PLD5: variants seen among roughly 807,000 people sequenced by gnomAD.
The protein encoded by PLD5 is phospholipase D family member 5.
A neutral mutation model predicts 61.1 loss-of-function variants in PLD5; 36 were observed. The observed-to-expected ratio is 0.59, with a 90% CI of 0.45 to 0.78. The LOEUF is 0.78. Ranked by LOEUF, PLD5 falls within the 30% of genes least tolerant of loss-of-function variation. PLD5 has a pLI of 0.00. For missense variants in PLD5, 515 were observed against 644.4 expected, an observed-to-expected ratio of 0.80 and a Z score of 2.17; for synonymous variants, 243 against 242.8, an observed-to-expected ratio of 1.00 and a Z score of -0.01.
chr1:242,455,908 T>C (rs1666929717), intron 1 of PLD5, among the ~76,000 whole-genome samples: 1 of 152,206 alleles, frequency 6.6e-6, no homozygotes, highest in South Asian at 2.1e-4. Context: ...TGGTGCGGGA[T>C]AGAGCCGGGG....
At chr1:242,510,238 G>T (rs559386139) in intron 1 of PLD5, among the ~76,000 whole-genome samples, 1 of 150,322 alleles carries the variant, frequency 6.7e-6, no homozygotes, top group African/African-American at 2.5e-5. Flanking sequence ...CACAAAAAAA[G>T]GTCGGAAAAT....
chr1:242,157,590 C>T (rs1574414038), intron 5 of PLD5, among the ~76,000 whole-genome samples: 1 of 152,298 alleles, frequency 6.6e-6, no homozygotes, highest in Middle Eastern at 3.4e-3. Flanking sequence ...CTAACAGGCC[C>T]CTCTGCTGCA....
chr1:242,393,657 T>C (rs1328084742), intron 1 of PLD5, among the ~76,000 whole-genome samples: 1 of 109,762 alleles, frequency 9.1e-6, no homozygotes, highest in Non-Finnish European at 1.9e-5. Flanking sequence ...TATGAGTATA[T>C]ATGTGTATAT....
intron 1 of PLD5, among the ~76,000 whole-genome samples, chr1:242,436,549 A>G (rs1459200201): frequency 2.0e-5 from 3 of 152,210 alleles, no homozygotes; most frequent in Non-Finnish European, 2.9e-5. Context: ...AAATCCACAG[A>G]CCCAGACAGC....
chr1:242,415,155 A>C (rs1032258386), intron 1 of PLD5, among the ~76,000 whole-genome samples: 1 of 152,230 alleles, frequency 6.6e-6, no homozygotes, highest in East Asian at 1.9e-4. Flanking sequence ...GGAGGTAGGA[A>C]CCCAAAATGG....
chr1:242,393,024 T>C (rs1663025721), intron 1 of PLD5, among the ~76,000 whole-genome samples: 1 of 150,540 alleles, frequency 6.6e-6, no homozygotes, highest in African/African-American at 2.4e-5. Context: ...GCCAACATGG[T>C]GAAACCCCGT....
rs1171559745 is a variant in PLD5 at position 242,507,760 on chromosome 1, A to G, written c.189+16328T>C. 2.6e-5 allele frequency among the ~76,000 whole-genome samples: 4 copies of G among 152,228 alleles called. No individual in the cohort carries two copies. The East Asian group carries it at 7.7e-4, about 29-fold the overall frequency. On this transcript the variant is annotated intron_variant, in intron 1 of 9. Coordinates refer to ENST00000536534, the MANE Select transcript of PLD5 (RefSeq NM_001372062.1). Reference sequence around the variant, plus strand: ...TCGGGAAGGAAATGTTTTCCTAGATAAATAGCCCAAATAACAGCTCAACAA... The same window carrying G: ...TCGGGAAGGAAATGTTTTCCTAGATGAATAGCCCAAATAACAGCTCAACAA...
intron 2 of PLD5, among the ~76,000 whole-genome samples, chr1:242,298,666 T>C (rs907305927): frequency 6.6e-6 from 1 of 152,182 alleles, no homozygotes; most frequent in Non-Finnish European, 1.5e-5. Context: ...TGGACTGAGA[T>C]GCTTATCCTG....
At chr1:242,438,790 G>C (rs1466868996) in intron 1 of PLD5, among the ~76,000 whole-genome samples, 1 of 151,980 alleles carries the variant, frequency 6.6e-6, no homozygotes, top group East Asian at 1.9e-4. Context: ...GGGGAGTCAG[G>C]GTGCTGTCCT....
chr1:242,364,948 G>T (rs1181143685), intron 1 of PLD5, among the ~76,000 whole-genome samples: 1 of 146,700 alleles, frequency 6.8e-6, no homozygotes, highest in East Asian at 2.0e-4. Context: ...GATAAAAATG[G>T]ATCAACTTTT....
chr1:242,271,991 T>A (rs565822734), intron 3 of PLD5, among the ~76,000 whole-genome samples: 3 of 152,150 alleles, frequency 2.0e-5, no homozygotes, highest in Admixed American at 6.5e-5. Context: ...ATGCAGTATA[T>A]CTGTGATATT....
intron 1 of PLD5, among the ~76,000 whole-genome samples, chr1:242,455,027 A>G (rs1426395453): frequency 6.6e-6 from 1 of 152,142 alleles, no homozygotes; most frequent in Non-Finnish European, 1.5e-5. Flanking sequence ...TGACTTTTTA[A>G]TCACCTGTTA....
At chr1:242,284,426 C>A (rs1211138916) in intron 3 of PLD5, among the ~76,000 whole-genome samples, 1 of 152,164 alleles carries the variant, frequency 6.6e-6, no homozygotes, top group Non-Finnish European at 1.5e-5. Flanking sequence ...CCACCACGCC[C>A]AACTCTCTAA....
At chr1:242,209,663 C>G (rs554806696) in intron 5 of PLD5, among the ~76,000 whole-genome samples, 200 of 109,592 alleles carry the variant, frequency 1.8e-3, no homozygotes, top group African/African-American at 5.3e-3. Context: ...CCAGCTGTTC[C>G]CCTGTCTCTC....
At chr1:242,321,002 C>A (rs1456171016) in intron 2 of PLD5, among the ~76,000 whole-genome samples, 1 of 152,238 alleles carries the variant, frequency 6.6e-6, no homozygotes, top group Non-Finnish European at 1.5e-5. Context: ...CATCGGAGAT[C>A]TGCTAACTAT....
At position 242,148,016 on chromosome 1, in the gene PLD5, A is replaced by C. The variant is rs1664653964; in HGVS notation, c.736-23351T>G. The stretch of plus-strand genomic sequence containing the variant: ...AATTTATTCCAACAAACAGTACTTA[A>C]TTTTGATAAAATTCAATGTATCCAT... On this transcript the variant is annotated intron_variant, in intron 5 of 9. Transcript: ENST00000536534. Among the ~76,000 whole-genome samples, 9 of 152,242 alleles carry C rather than the reference A, an allele frequency of 5.9e-5. No homozygotes were observed. In the South Asian group the frequency reaches 1.7e-3, roughly 28 times the overall value.
intron 5 of PLD5, among the ~76,000 whole-genome samples, chr1:242,177,409 C>G (rs1667228315): frequency 1.3e-5 from 2 of 152,020 alleles, no homozygotes; most frequent in Non-Finnish European, 2.9e-5. Flanking sequence ...ACACCGGGGC[C>G]TGTTGGGTGG....
At chr1:242,329,918 T>A (rs1324724147) in intron 2 of PLD5, among the ~76,000 whole-genome samples, 1 of 152,208 alleles carries the variant, frequency 6.6e-6, no homozygotes, top group Non-Finnish European at 1.5e-5. Context: ...ATCAACCGGC[T>A]ACTAAGGGAC....
At chr1:242,343,480 C>T (rs2149215358) in intron 2 of PLD5, among the ~76,000 whole-genome samples, 1 of 151,856 alleles carries the variant, frequency 6.6e-6, no homozygotes. Flanking sequence ...CTGGAATTTT[C>T]TAGAGAAACA....
Sources: allele counts gnomAD v4.1 joint callset (sites outside exome capture counted in the v4.1 genomes callset), GRCh38; gene constraint gnomAD v4.1.1; transcripts MANE v1.5; gene names NCBI Gene and HGNC (gene_info 2026-07-23, HGNC 2026-07-21).